The following DLG5 variants were observed in gnomAD, a reference collection of about 807,000 sequenced individuals.
DLG5 encodes disks large homolog 5.
DLG5 carries 48 observed loss-of-function variants against 189.8 expected under a neutral mutation model. That is an observed-to-expected ratio of 0.25 (90% CI 0.20 to 0.32). The LOEUF is 0.32. Ranked by LOEUF, DLG5 falls within the 10% of genes least tolerant of loss-of-function variation. The pLI, the probability that DLG5 is intolerant of heterozygous loss-of-function variation, is 1.00. For synonymous variants in DLG5, 1,016 were observed against 1,054.1 expected, an observed-to-expected ratio of 0.96 and a Z score of 0.70; for missense variants, 2,160 against 2,544.7, an observed-to-expected ratio of 0.85 and a Z score of 3.25.
chr10:77,809,486 G>A (rs1841648275), intron 24 of DLG5, 61 bp downstream of exon 24: 1 of 1,526,408 alleles, frequency 6.6e-7, no homozygotes, highest in Non-Finnish European at 8.8e-7. Context: ...CACCTGAGAT[G>A]GCAGCAAGCC....
chr10:77,836,197 T>A (rs895576044), intron 7 of DLG5, among the ~76,000 whole-genome samples: 1 of 152,164 alleles, frequency 6.6e-6, no homozygotes, highest in African/African-American at 2.4e-5. Flanking sequence ...TTCCTGCTGG[T>A]GAAGTGCTGT....
At position 77,807,156 on chromosome 10, in the gene DLG5, A is replaced by G. The variant is rs144380036; in HGVS notation, c.4797-228T>C. Among the ~76,000 whole-genome samples the G allele has an allele frequency of 9.5e-3, 1,440 of 152,292 alleles. 10 individuals are homozygous for G. Among genetic ancestry groups the G allele is most frequent in the Non-Finnish European group, 0.015 (1,035 of 68,018 alleles). ...TAACACTGAGGGCGCATCCCCATCA[A>G]AGAACTCACCAAGATCTGAGGCCAT... On this transcript the variant is annotated intron_variant, in intron 25 of 31. Transcript: ENST00000372391.
intron 2 of DLG5, among the ~76,000 whole-genome samples, chr10:77,857,349 C>T (rs1157618521): frequency 1.3e-5 from 2 of 152,246 alleles, no homozygotes; most frequent in East Asian, 1.9e-4. Flanking sequence ...AATCCAATGA[C>T]GCTACTAAGG....
At chr10:77,938,414 G>A in the DLG5 span, among the ~76,000 whole-genome samples, 1 of 152,094 alleles carries the variant, frequency 6.6e-6, no homozygotes, top group Non-Finnish European at 1.5e-5. Context: ...CTGGGTGACA[G>A]AGCAAGACCC....
At chr10:77,807,976 G>A (rs1246899492) in intron 24 of DLG5, 32 bp from the exon 25 acceptor site, 1 of 1,612,218 alleles carries the variant, frequency 6.2e-7, no homozygotes, top group East Asian at 2.2e-5. Context: ...GCATCAGAAG[G>A]CAGAAGCCAG....
At chr10:77,811,873 C>T (rs1426175174) in intron 22 of DLG5, 51 bp downstream of exon 22, 9 of 1,555,658 alleles carry the variant, frequency 5.8e-6, no homozygotes, top group Non-Finnish European at 7.8e-6. Context: ...AGTGCTGCTG[C>T]ACCCACCTCT....
chr10:77,917,459 T>C (rs890250919), intron 1 of DLG5, among the ~76,000 whole-genome samples: 3 of 148,996 alleles, frequency 2.0e-5, no homozygotes, highest in African/African-American at 7.4e-5. Flanking sequence ...GAAGCTGCAG[T>C]GAGCCATGAG....
chr10:77,879,587 G>C (rs1015197305), intron 1 of DLG5, among the ~76,000 whole-genome samples: 9 of 151,854 alleles, frequency 5.9e-5, no homozygotes, highest in Admixed American at 1.3e-4. Flanking sequence ...AGAGTGACAA[G>C]AATGGTGTTG....
At chr10:77,843,853 G>A in intron 5 of DLG5, 147 bp from the exon 6 acceptor site, 2 of 959,066 alleles carry the variant, frequency 2.1e-6, no homozygotes, top group East Asian at 2.5e-5. Flanking sequence ...AGAGTCTTGA[G>A]GTCCAATTCT....
chr10:77,878,158 G>A (rs772506332), intron 1 of DLG5, among the ~76,000 whole-genome samples: 2 of 152,170 alleles, frequency 1.3e-5, no homozygotes, highest in Non-Finnish European at 2.9e-5. Flanking sequence ...AGGATGGAGC[G>A]CATACCTTGC....
chr10:77,824,511 C>CAG, intron 13 of DLG5, 35 bp from the exon 14 acceptor site: 2 of 1,565,078 alleles, frequency 1.3e-6, no homozygotes, highest in Non-Finnish European at 8.8e-7. Flanking sequence ...AGGCCACAGG[C>CAG]AGAGCGGCCT....
At chr10:77,897,693 A>C (rs533209815) in intron 1 of DLG5, among the ~76,000 whole-genome samples, 1 of 127,414 alleles carries the variant, frequency 7.8e-6, no homozygotes, top group Non-Finnish European at 1.6e-5. Context: ...GGAGAGGGGG[A>C]GGGGGGAAAG....
upstream of DLG5, chr10:77,926,952 C>A: frequency 2.6e-6 from 1 of 380,166 alleles, no homozygotes. This position sits in a 1 kb window ranked among gnomAD's most constrained non-coding sequence, Gnocchi z 5.2. Context: ...ACTACAACTC[C>A]CGGGAGAAAG....
chr10:77,814,729 C>T (rs1186544926), intron 20 of DLG5, among the ~76,000 whole-genome samples: 2 of 151,704 alleles, frequency 1.3e-5, no homozygotes, highest in African/African-American at 2.4e-5. Context: ...TGCCTGCCAC[C>T]GTGCCTGGCT....
chr10:77,895,827 T>A (rs143599130), intron 1 of DLG5, among the ~76,000 whole-genome samples: 5 of 152,108 alleles, frequency 3.3e-5, no homozygotes, highest in Non-Finnish European at 5.9e-5. Context: ...CTGGCCAACA[T>A]GGTGAAACCC....
intron 2 of DLG5, among the ~76,000 whole-genome samples, chr10:77,863,193 G>C (rs916110433): frequency 2.6e-5 from 4 of 152,062 alleles, no homozygotes; most frequent in Non-Finnish European, 5.9e-5. Context: ...CTGGGCTCAA[G>C]CAATCCTCCC....
Position 77,795,739 on chromosome 10 carries a change from C to T in DLG5, c.5436+322G>A, listed in dbSNP as rs533852800. Among the ~76,000 whole-genome samples, 26 of 152,204 alleles carry T rather than the reference C, an allele frequency of 1.7e-4. No individual in the cohort carries two copies. In the South Asian group the frequency reaches 2.5e-3, roughly 15 times the overall value. Reference sequence around the variant, plus strand: ...GTTCGGCACATGCATTTGGGGACCCCGTTCCGGAATGCCCTGCGAGAGGCC... The same window carrying T: ...GTTCGGCACATGCATTTGGGGACCCTGTTCCGGAATGCCCTGCGAGAGGCC... On this transcript the variant is annotated intron_variant, in intron 29 of 31. Transcript: ENST00000372391.
chr10:77,924,730 CT>C (rs1214015551), intron 1 of DLG5, among the ~76,000 whole-genome samples: 1 of 152,166 alleles, frequency 6.6e-6, no homozygotes, highest in East Asian at 1.9e-4. Flanking sequence ...ATGACCACAA[CT>C]GGGGGGAAAG....
intron 12 of DLG5, 45 bp downstream of exon 12, chr10:77,829,310 G>A: frequency 6.2e-7 from 1 of 1,611,662 alleles, no homozygotes. Flanking sequence ...ACAAAAAAGG[G>A]CCCCAGCCAC....
Sources: allele counts gnomAD v4.1 joint callset (sites outside exome capture counted in the v4.1 genomes callset), GRCh38; gene constraint gnomAD v4.1.1; non-coding constraint Gnocchi (gnomAD v3.1); transcripts MANE v1.5; gene names NCBI Gene and HGNC (gene_info 2026-07-23, HGNC 2026-07-21).